Variants in MEI4 observed in about 807,000 individuals in gnomAD.
MEI4 encodes the protein meiotic double-stranded break formation protein 4.
In MEI4, 27 loss-of-function variants were observed where a neutral mutation model predicts 31.4. The observed-to-expected ratio is 0.86, with a 90% CI of 0.63 to 1.19. MEI4 has a LOEUF of 1.19. MEI4 is among the 50% of genes most tolerant of loss of function. MEI4 has a pLI of 0.00. For synonymous variants in MEI4, 122 were observed against 145.4 expected (o/e 0.84, Z 1.16); for missense variants, 329 against 398.9 (o/e 0.82, Z 1.49).
intron 3 of MEI4, among the ~76,000 whole-genome samples, chr6:77,812,655 A>G (rs951475168): frequency 6.6e-6 from 1 of 152,130 alleles, no homozygotes; most frequent in African/African-American, 2.4e-5. Flanking sequence ...CAGGATGCTT[A>G]GACTGATCAC....
At chr6:77,737,647 A>C (rs995507840) in intron 2 of MEI4, among the ~76,000 whole-genome samples, 2 of 152,208 alleles carry the variant, frequency 1.3e-5, no homozygotes, top group Non-Finnish European at 2.9e-5. Context: ...ACATGGAATA[A>C]ATAAGCCTTG....
rs1325121340 is a variant in MEI4, at chr6:77,699,021, T to C, written c.232+8118T>C. Among the ~76,000 whole-genome samples, 3 of 152,032 alleles carry C rather than the reference T, an allele frequency of 2.0e-5. 1 individual carries two copies. The highest frequency in any genetic ancestry group is 2.9e-5 in the Non-Finnish European group (2 of 67,976). On this transcript the variant is annotated intron_variant, in intron 2 of 4. Transcript: ENST00000684080. The stretch of plus-strand genomic sequence containing the variant: ...TTCTCGCTTCATTTCATTCATTTCG[T>C]CTTCCATCACTGATACCCTTTCTTC...
At chr6:77,699,153 C>T (rs1374497773) in intron 2 of MEI4, among the ~76,000 whole-genome samples, 1 of 147,684 alleles carries the variant, frequency 6.8e-6, no homozygotes, top group Non-Finnish European at 1.5e-5. Context: ...ACTGGTTATT[C>T]TAGTTATCCA....
rs371540106 is a variant in MEI4, at chr6:77,789,029, T to C, written c.768+27364T>C. Among the ~76,000 whole-genome samples, 23 of 152,126 alleles carry C rather than the reference T, an allele frequency of 1.5e-4. 1 individual carries two copies. In the East Asian group the frequency reaches 3.1e-3, roughly 21 times the overall value. ...TACTACAAGGCTACAGTAACCAAAA[T>C]AGCATGGTACTGGTACCAAAGCAGA... On this transcript the variant is annotated intron_variant, in intron 3 of 4. Coordinates refer to ENST00000684080, the MANE Select transcript of MEI4 (RefSeq NM_001322247.2).
intron 3 of MEI4, among the ~76,000 whole-genome samples, chr6:77,827,300 G>T (rs1769977904): frequency 6.9e-6 from 1 of 144,040 alleles, no homozygotes; most frequent in South Asian, 2.2e-4. Flanking sequence ...GGCAGAGCTT[G>T]CAGTGAGTGG....
chr6:77,758,040 C>T (rs551590417), intron 2 of MEI4, among the ~76,000 whole-genome samples: 2 of 151,836 alleles, frequency 1.3e-5, no homozygotes, highest in African/African-American at 4.8e-5. Flanking sequence ...CCTGTAGTCC[C>T]AGCTACTTGG....
rs548848277 is a variant in MEI4 at position 77,924,177 on chromosome 6, C to T, written c.*831C>T. ...TCATTTCAATGATTAAAATCATAAC[C>T]GCAAACTTAATGAGCATATGTTACA... On this transcript the variant is annotated 3_prime_UTR_variant, in exon 5 of 5. Transcript: ENST00000684080. 6.0e-4 allele frequency: 91 copies of T among 151,678 alleles called. No homozygotes were observed. Among genetic ancestry groups the T allele is most frequent in the African/African-American group, 1.8e-3 (76 of 41,434 alleles). 9.4% of individuals were successfully genotyped at this position (151,678 alleles called of 1,614,324 possible).
At chr6:77,783,902 G>T (rs1768662509) in intron 3 of MEI4, among the ~76,000 whole-genome samples, 1 of 151,968 alleles carries the variant, frequency 6.6e-6, no homozygotes, top group South Asian at 2.1e-4. Flanking sequence ...TTTGCCAGAA[G>T]ATACGTTCCT....
intron 3 of MEI4, among the ~76,000 whole-genome samples, chr6:77,788,898 A>AACTACTT (rs1768832141): frequency 6.6e-6 from 1 of 152,196 alleles, no homozygotes; most frequent in Non-Finnish European, 1.5e-5. Context: ...AATTGGAAAA[A>AACTACTT]ACTACTTTAA....
chr6:77,743,962 C>T (rs1485441904), intron 2 of MEI4, among the ~76,000 whole-genome samples: 1 of 152,182 alleles, frequency 6.6e-6, no homozygotes, highest in Non-Finnish European at 1.5e-5. Flanking sequence ...ACCAAAAACC[C>T]ATCTGTACAT....
intron 2 of MEI4, among the ~76,000 whole-genome samples, chr6:77,711,589 G>C (rs1437188872): frequency 6.6e-6 from 1 of 152,108 alleles, no homozygotes; most frequent in Admixed American, 6.6e-5. Context: ...TGGGCAGCTG[G>C]AGGTGTCTCT....
intron 4 of MEI4, among the ~76,000 whole-genome samples, chr6:77,876,366 C>T (rs544109133): frequency 3.3e-5 from 5 of 152,048 alleles, no homozygotes; most frequent in African/African-American, 4.8e-5. Context: ...GGAGTGAGTT[C>T]TTGATTAAAG....
At chr6:77,663,544 A>G (rs1191190530) in intron 1 of MEI4, among the ~76,000 whole-genome samples, 19 of 152,298 alleles carry the variant, frequency 1.2e-4, no homozygotes, top group East Asian at 5.8e-4. Flanking sequence ...GGAACTGGGC[A>G]GGTGGGGATA....
At chr6:77,664,682 A>G (rs1768586200) in intron 1 of MEI4, among the ~76,000 whole-genome samples, 1 of 152,096 alleles carries the variant, frequency 6.6e-6, no homozygotes, top group Non-Finnish European at 1.5e-5. Context: ...CTGAGGGGAC[A>G]GGCAGGAGGG....
Position 77,754,719 on chromosome 6 carries a change from A to G in MEI4, c.233-6411A>G, listed in dbSNP as rs577091917. Among the ~76,000 whole-genome samples, 8 of 152,302 alleles carry G rather than the reference A, an allele frequency of 5.3e-5. No homozygotes were observed. The East Asian group carries it at 1.5e-3, about 29-fold the overall frequency. On this transcript the variant is annotated intron_variant, in intron 2 of 4. Coordinates refer to ENST00000684080, the MANE Select transcript of MEI4 (RefSeq NM_001322247.2). ...AGGTTCTGTTGACTCACATTTCCACATGGCTGGGGTGGCCTCAGGGAACCC... is the reference window on the plus strand; with the variant it reads ...AGGTTCTGTTGACTCACATTTCCACGTGGCTGGGGTGGCCTCAGGGAACCC...
intron 2 of MEI4, among the ~76,000 whole-genome samples, chr6:77,700,675 T>C (rs1460899024): frequency 6.6e-6 from 1 of 152,176 alleles, no homozygotes; most frequent in Non-Finnish European, 1.5e-5. Context: ...ATCACCTGTA[T>C]TCTGTGTCGC....
chr6:77,913,829 T>G (rs1480457285), intron 4 of MEI4, among the ~76,000 whole-genome samples: 1 of 151,514 alleles, frequency 6.6e-6, no homozygotes, highest in Non-Finnish European at 1.5e-5. Flanking sequence ...GTCAGGAGAT[T>G]GAGACCATCC....
At chr6:77,851,265 T>C (rs372605105) in intron 4 of MEI4, among the ~76,000 whole-genome samples, 5 of 152,176 alleles carry the variant, frequency 3.3e-5, no homozygotes, top group South Asian at 2.1e-4. Context: ...TACCATTTGA[T>C]CCAGCCATCC....
At chr6:77,836,543 CATTA>C (rs1489571085) in intron 4 of MEI4, among the ~76,000 whole-genome samples, 1 of 152,042 alleles carries the variant, frequency 6.6e-6, no homozygotes, top group Non-Finnish European at 1.5e-5. Flanking sequence ...CTAAGCAATT[CATTA>C]ATAAAAATAG....
Sources: gnomAD v4.1 joint callset for allele counts (sites outside exome capture counted in the v4.1 genomes callset) on GRCh38, gnomAD v4.1.1 for gene constraint, MANE v1.5 for transcripts, NCBI Gene and HGNC (gene_info 2026-07-23, HGNC 2026-07-21) for gene names.